The following DCUN1D5 variants were observed in gnomAD, a reference collection of about 807,000 sequenced individuals.
DCUN1D5 encodes the protein DCN1-like protein 5.
In DCUN1D5, 10 loss-of-function variants were observed where a neutral mutation model predicts 38.3. That is an observed-to-expected ratio of 0.26 (90% confidence interval 0.16 to 0.44). The LOEUF is 0.44. Among genes scored for constraint, DCUN1D5 ranks in the 20% least tolerant of loss-of-function variants. The pLI, the probability that DCUN1D5 is intolerant of heterozygous loss-of-function variation, is 1.00. For missense variants in DCUN1D5, 148 were observed against 275.3 expected (o/e 0.54, Z 3.27); for synonymous variants, 93 against 90.9 (o/e 1.02, Z -0.13).
chr11:103,061,138 T>C lies in DCUN1D5; in HGVS notation c.*1221A>G, dbSNP rs1327639254. ...TTAGGTAATCAATATGGAGAAATCA[T>C]TCTTTAAACAAATTCACCACTGAAA... On this transcript the variant is annotated 3_prime_UTR_variant, in exon 8 of 8. Transcript: ENST00000260247. Among the ~76,000 whole-genome samples, 1 of 152,190 alleles carries C rather than the reference T, an allele frequency of 6.6e-6. No homozygotes were observed. Among genetic ancestry groups the C allele is most frequent in the Non-Finnish European group, 1.5e-5 (1 of 68,016 alleles).
rs1031230284 is a variant in DCUN1D5 at position 103,077,503 on chromosome 11, A to G, written c.341+5245T>C. 6.6e-6 allele frequency among the ~76,000 whole-genome samples: 1 copy of G among 151,150 alleles called. No homozygotes were observed. The highest frequency in any genetic ancestry group is 1.5e-5 in the Non-Finnish European group (1 of 67,366). ...ACAGATTTGAGGGAACACTGGCACA[A>G]TACAATACACCATTCTCCAAGGCCA... is the stretch of plus-strand genomic sequence containing the variant. On this transcript the variant is annotated intron_variant, in intron 4 of 7. Transcript: ENST00000260247. This position sits in a 1 kb window ranked among gnomAD's most constrained non-coding sequence, Gnocchi z 4.3.
At position 103,083,083 on chromosome 11, in the gene DCUN1D5, A is replaced by C. The variant is rs540462248; in HGVS notation, c.249+173T>G. ...TATTACATATAACATTTGTATCAAG[A>C]AAGAATACATTTGCCCAACTTAAAC... On this transcript the variant is annotated intron_variant, in intron 3 of 7. Coordinates refer to ENST00000260247, the MANE Select transcript of DCUN1D5 (RefSeq NM_032299.4). The surrounding 1 kb of genome is among the most constrained non-coding windows in gnomAD (Gnocchi z 4.4). Among the ~76,000 whole-genome samples, 1 of 152,180 alleles carries C rather than the reference A, an allele frequency of 6.6e-6. No homozygotes were observed. Among genetic ancestry groups the C allele is most frequent in the South Asian group, 2.1e-4 (1 of 4,828 alleles).
At position 103,091,043 on chromosome 11, in the gene DCUN1D5, A is replaced by T. The variant is rs1013134157; in HGVS notation, c.86+744T>A. On this transcript the variant is annotated intron_variant, in intron 1 of 7. Coordinates refer to ENST00000260247, the MANE Select transcript of DCUN1D5 (RefSeq NM_032299.4). The surrounding 1 kb of genome is among the most constrained non-coding windows in gnomAD (Gnocchi z 4.3). ...GGGGATCAAAGAGCTACTACTATAT[A>T]GTTCTGCCTTGTCTTCTTTCTTACC... is the stretch of plus-strand genomic sequence containing the variant. Among the ~76,000 whole-genome samples, 1 of 152,204 alleles carries T rather than the reference A, an allele frequency of 6.6e-6. No homozygotes were observed. The highest frequency in any genetic ancestry group is 2.4e-5 in the African/African-American group (1 of 41,446).
intron 2 of DCUN1D5, 111 bp downstream of exon 2, chr11:103,089,116 G>T: frequency 9.3e-7 from 1 of 1,080,816 alleles, no homozygotes; most frequent in Non-Finnish European, 1.3e-6. Context: ...CCTCATCCCA[G>T]TACACAGCAC....
rs999487333 is a variant in DCUN1D5 at position 103,071,492 on chromosome 11, T to C, written c.342-4925A>G. 1.7e-4 allele frequency among the ~76,000 whole-genome samples: 25 copies of C among 150,510 alleles called. No individual in the cohort carries two copies. Among genetic ancestry groups the C allele is most frequent in the Admixed American group, 1.3e-4 (2 of 15,060 alleles). On this transcript the variant is annotated intron_variant, in intron 4 of 7. Coordinates refer to ENST00000260247, the MANE Select transcript of DCUN1D5 (RefSeq NM_032299.4). This position sits in a 1 kb window ranked among gnomAD's most constrained non-coding sequence, Gnocchi z 4.1. ...GATTTTTATACAGGTATAATCTATA[T>C]ATAATTTTATATACTCTATATCTAT...
In DCUN1D5 at chr11:103,077,744, T is replaced by C. The variant is rs369810726; in HGVS notation, c.341+5004A>G. ...GTCCCAGTGACTGTGCTGTGACACA[T>C]TGATGTGTAACACGAAGAATTGTGT... On this transcript the variant is annotated intron_variant, in intron 4 of 7. Transcript: ENST00000260247. This position sits in a 1 kb window ranked among gnomAD's most constrained non-coding sequence, Gnocchi z 4.3. Among the ~76,000 whole-genome samples the C allele has an allele frequency of 5.9e-5, 9 of 152,334 alleles. No homozygotes were observed. Among genetic ancestry groups the C allele is most frequent in the African/African-American group, 1.2e-4 (5 of 41,576 alleles).
At chr11:103,085,750 G>A (rs1410635787) in intron 2 of DCUN1D5, among the ~76,000 whole-genome samples, 1 of 152,156 alleles carries the variant, frequency 6.6e-6, no homozygotes, top group Non-Finnish European at 1.5e-5. Flanking sequence ...AACCTCTGGA[G>A]CTAAATTTAA....
At chr11:103,076,980 C>T (rs1332879484) in intron 4 of DCUN1D5, among the ~76,000 whole-genome samples, 3 of 152,044 alleles carry the variant, frequency 2.0e-5, no homozygotes, top group Non-Finnish European at 2.9e-5. Context: ...GGGTGGATCA[C>T]GAGGTCAGGA....
intron 4 of DCUN1D5, among the ~76,000 whole-genome samples, chr11:103,081,581 T>C (rs762715358): frequency 3.9e-5 from 6 of 152,116 alleles, no homozygotes; most frequent in Non-Finnish European, 8.8e-5. Flanking sequence ...GTATTAGAGA[T>C]TGGTAATCAG....
In DCUN1D5 at chr11:103,054,349, A is replaced by G. The variant is rs80119485; in HGVS notation, c.*8010T>C. The G allele has an allele frequency of 7.9e-5, 12 of 152,244 alleles. No homozygotes were observed. The East Asian group carries it at 2.3e-3, about 29-fold the overall frequency. The allele number at this position is 152,244 out of a possible 1,614,324, so 9.4% of individuals were successfully genotyped here. A position where few individuals can be genotyped will look rare whatever the true frequency, so the allele number is the denominator to read the frequency against. Reference sequence around the variant, plus strand: ...GCATCTCTCTAAGGGTAAAAATGTGAAAATAAGTTTTTTCAAAGGCCCCAA... The same window carrying G: ...GCATCTCTCTAAGGGTAAAAATGTGGAAATAAGTTTTTTCAAAGGCCCCAA... On this transcript the variant is annotated 3_prime_UTR_variant, in exon 8 of 8. Coordinates refer to ENST00000260247, the MANE Select transcript of DCUN1D5 (RefSeq NM_032299.4).
rs1056428266 is a variant in DCUN1D5, at chr11:103,060,079, G to C, written c.*2280C>G. On this transcript the variant is annotated 3_prime_UTR_variant, in exon 8 of 8. Transcript: ENST00000260247. The stretch of plus-strand genomic sequence containing the variant: ...TTAAATGCTATTCAAAATTAACAAA[G>C]GAAAGACAGGAAGGGACACAGCCCA... 3.3e-5 allele frequency among the ~76,000 whole-genome samples: 5 copies of C among 152,010 alleles called. No individual in the cohort carries two copies. Among genetic ancestry groups the C allele is most frequent in the African/African-American group, 1.2e-4 (5 of 41,370 alleles).
At chr11:103,080,076 CAT>C (rs1415833271) in intron 4 of DCUN1D5, 1 of 152,108 alleles carries the variant, frequency 6.6e-6, no homozygotes, top group Non-Finnish European at 1.5e-5. Context: ...GATGACTAAT[CAT>C]GATTATTACA....
intron 4 of DCUN1D5, among the ~76,000 whole-genome samples, chr11:103,072,328 G>GGATCTAGAACTA (rs1555028568): frequency 2.9e-5 from 4 of 136,304 alleles, no homozygotes; most frequent in Non-Finnish European, 6.2e-5. Flanking sequence ...GATTCCTCAA[G>GGATCTAGAACTA]GATCTAGAAC....
intron 2 of DCUN1D5, among the ~76,000 whole-genome samples, chr11:103,085,562 C>CGTA (rs571046154): frequency 2.8e-4 from 43 of 152,192 alleles, no homozygotes; most frequent in African/African-American, 9.9e-4. Flanking sequence ...AGATATAATA[C>CGTA]CTTATAACTT....
rs888740196 is a variant in DCUN1D5 at position 103,066,057 on chromosome 11, G to T, written c.555+212C>A. On this transcript the variant is annotated intron_variant, in intron 6 of 7. Transcript: ENST00000260247. The surrounding 1 kb of genome is among the most constrained non-coding windows in gnomAD (Gnocchi z 4.7). ...GGAGGTTTCTTTTATTTGGGGGACT[G>T]GGGGGGTAGGATTGAAAATATCTTA... 2.6e-5 allele frequency among the ~76,000 whole-genome samples: 4 copies of T among 151,314 alleles called. No individual in the cohort carries two copies. Among genetic ancestry groups the T allele is most frequent in the African/African-American group, 4.9e-5 (2 of 41,154 alleles).
In DCUN1D5 at chr11:103,087,641, C is replaced by A. The variant is rs913634666; in HGVS notation, c.178+1586G>T. 2.0e-5 allele frequency among the ~76,000 whole-genome samples: 3 copies of A among 152,116 alleles called. No homozygotes were observed. The highest frequency in any genetic ancestry group is 2.9e-5 in the Non-Finnish European group (2 of 68,026). On this transcript the variant is annotated intron_variant, in intron 2 of 7. Transcript: ENST00000260247. The surrounding 1 kb of genome is among the most constrained non-coding windows in gnomAD (Gnocchi z 4.1). ...CTCCAGCGTGGGCGACACAGTGAGA[C>A]CCTGTCTCAAAAAATAAAGTCGTAG...
intron 2 of DCUN1D5, among the ~76,000 whole-genome samples, chr11:103,088,594 C>T (rs1379969925): frequency 1.3e-5 from 2 of 152,178 alleles, no homozygotes; most frequent in African/African-American, 4.8e-5. Flanking sequence ...ACTCCCATGA[C>T]ACTTTAAAAG....
rs985311239 is a variant in DCUN1D5 at position 103,091,100 on chromosome 11, T to C, written c.86+687A>G. Among the ~76,000 whole-genome samples the C allele has an allele frequency of 6.6e-6, 1 of 152,128 alleles. No homozygotes were observed. Among genetic ancestry groups the C allele is most frequent in the African/African-American group, 2.4e-5 (1 of 41,422 alleles). Reference sequence around the variant, plus strand: ...ACAGAGTACAAGAGCTCACAAATTATTTAATTTATGCTGAGAGCTAACAGC... The same window carrying C: ...ACAGAGTACAAGAGCTCACAAATTACTTAATTTATGCTGAGAGCTAACAGC... On this transcript the variant is annotated intron_variant, in intron 1 of 7. Transcript: ENST00000260247. The surrounding 1 kb of genome is among the most constrained non-coding windows in gnomAD (Gnocchi z 4.3).
rs1428507642 is a variant in DCUN1D5, at chr11:103,077,574, A to C, written c.341+5174T>G. Among the ~76,000 whole-genome samples, 1 of 152,206 alleles carries C rather than the reference A, an allele frequency of 6.6e-6. No homozygotes were observed. The highest frequency in any genetic ancestry group is 1.5e-5 in the Non-Finnish European group (1 of 68,034). ...AATGGGTATTAATTTCAACGTTAGG[A>C]CTCGGAAATTAATTTCCTGGTATTG... is the stretch of plus-strand genomic sequence containing the variant. On this transcript the variant is annotated intron_variant, in intron 4 of 7. Coordinates refer to ENST00000260247, the MANE Select transcript of DCUN1D5 (RefSeq NM_032299.4). This position sits in a 1 kb window ranked among gnomAD's most constrained non-coding sequence, Gnocchi z 4.3.
Sources: allele counts gnomAD v4.1 joint callset (sites outside exome capture counted in the v4.1 genomes callset), GRCh38; gene constraint gnomAD v4.1.1; non-coding constraint Gnocchi (gnomAD v3.1); transcripts MANE v1.5; gene names NCBI Gene and HGNC (gene_info 2026-07-23, HGNC 2026-07-21).